Variants in LDB3 observed in about 807,000 individuals in gnomAD.
LDB3 encodes LIM domain binding 3.
Under a neutral mutation model 69.0 loss-of-function variants are expected in LDB3, and 49 were observed. The observed-to-expected ratio is 0.71, with a 90% CI of 0.56 to 0.90. The LOEUF (loss-of-function observed/expected upper bound fraction) is 0.90. Ranked by LOEUF, LDB3 falls within the 40% of genes least tolerant of loss-of-function variation. LDB3 has a pLI of 0.00. For missense variants in LDB3, 928 were observed against 974.1 expected (o/e 0.95, Z 0.63); for synonymous variants, 387 against 396.2 (o/e 0.98, Z 0.28).
chr10:86,710,188 G>C (rs959520376), intron 9 of LDB3, 138 bp downstream of exon 9: 4 of 1,525,766 alleles, frequency 2.6e-6, no homozygotes, highest in East Asian at 4.9e-5. Context: ...TCCGCCCTCC[G>C]TCCCCTAGCT....
At chr10:86,698,881 T>C (rs1025715793) in intron 7 of LDB3, among the ~76,000 whole-genome samples, 14 of 152,066 alleles carry the variant, frequency 9.2e-5, no homozygotes, top group African/African-American at 3.1e-4. Context: ...GTCTGTTTGG[T>C]TCAATCCTGA....
chr10:86,728,681 C>G (rs950677180), intron 13 of LDB3, among the ~76,000 whole-genome samples: 1 of 150,618 alleles, frequency 6.6e-6, no homozygotes, highest in Admixed American at 6.7e-5. Flanking sequence ...CTCCCAGGTT[C>G]AAGCAATTCT....
upstream of LDB3, among the ~76,000 whole-genome samples, chr10:86,667,985 C>T (rs1348506935): frequency 1.3e-5 from 2 of 152,202 alleles, no homozygotes; most frequent in Non-Finnish European, 2.9e-5. Context: ...CAGGTGGCAG[C>T]TTCTCAGGAT....
chr10:86,685,058 G>C (rs1001938625), intron 5 of LDB3, among the ~76,000 whole-genome samples: 2 of 152,170 alleles, frequency 1.3e-5, no homozygotes, highest in Non-Finnish European at 2.9e-5. Context: ...GTGGCCCCTG[G>C]TGACTGTGCA....
rs1429550465 is a variant in LDB3 at position 86,717,952 on chromosome 10, G to A, written c.1677-12G>A. On this transcript the variant is annotated splice_polypyrimidine_tract_variant and intron_variant, in intron 10 of 13. Coordinates refer to ENST00000361373, the MANE Select transcript of LDB3 (RefSeq NM_007078.3). ...GAGCTGCCTTACTGGGTGCCATTCT[G>A]TGCTTCCCCAGGGGCCCATTTCTGG... is the stretch of plus-strand genomic sequence containing the variant. The A allele has an allele frequency of 1.2e-6, 2 of 1,613,752 alleles. No individual in the cohort carries two copies. The highest frequency in any genetic ancestry group is 2.2e-5 in the East Asian group (1 of 44,864).
At position 86,703,309 on chromosome 10, in the gene LDB3, G is replaced by A. The variant is rs116105392; in HGVS notation, c.897-3222G>A. Among the ~76,000 whole-genome samples the A allele has an allele frequency of 3.2e-3, 488 of 152,356 alleles. 6 individuals are homozygous for A. The highest frequency in any genetic ancestry group is 0.014 in the Middle Eastern group (4 of 294). ...ACTGAGAGGAGGGTCTGAGCAGCCA[G>A]CTCAGTGGCGTGGCTACAGAGACTG... is the stretch of plus-strand genomic sequence containing the variant. On this transcript the variant is annotated intron_variant, in intron 7 of 13. Transcript: ENST00000361373.
intron 9 of LDB3, among the ~76,000 whole-genome samples, chr10:86,711,353 C>T (rs1015937429): frequency 6.6e-6 from 1 of 152,102 alleles, no homozygotes; most frequent in East Asian, 2.0e-4. Context: ...GCGAGCGAGA[C>T]GGGCCGGAGC....
chr10:86,693,775 C>T (rs894745087), intron 7 of LDB3, among the ~76,000 whole-genome samples: 5 of 152,246 alleles, frequency 3.3e-5, no homozygotes, highest in Non-Finnish European at 5.9e-5. Context: ...TCTCCCCTCC[C>T]GCTGTGCTCC....
At chr10:86,678,068 C>T (rs185476828) in intron 2 of LDB3, among the ~76,000 whole-genome samples, 2 of 152,256 alleles carry the variant, frequency 1.3e-5, no homozygotes, top group African/African-American at 2.4e-5. Flanking sequence ...GACAGAGTCT[C>T]GCTCTCACCC....
At chr10:86,713,557 T>C (rs1846750985) in intron 9 of LDB3, among the ~76,000 whole-genome samples, 2 of 152,160 alleles carry the variant, frequency 1.3e-5, no homozygotes, top group Non-Finnish European at 2.9e-5. Context: ...TCTTAATCTT[T>C]TTTAGCAGAG....
At position 86,681,586 on chromosome 10, in the gene LDB3, G is replaced by T. The variant is rs760903061; in HGVS notation, c.472G>T (p.Ala158Ser). Residue 158 changes from alanine to serine, a missense_variant, in exon 5 of 14, where the codon GCC becomes TCC. Coordinates refer to ENST00000361373, the MANE Select transcript of LDB3 (RefSeq NM_007078.3). ...RPSAFSSLAE[A>S]SDPGPPRASL... ...CTCCGCCTTCTCCTCACTCGCCGAG[G>T]CCTCTGACCCTGGCCCTCCGCGGGC... 6.2e-7 allele frequency: 1 copy of T among 1,612,980 alleles called. No individual in the cohort carries two copies. Among genetic ancestry groups the T allele is most frequent in the Non-Finnish European group, 8.5e-7 (1 of 1,179,766 alleles).
rs375626151 is a variant in LDB3, at chr10:86,681,522, G to C, written c.408G>C (p.Pro136=). The change falls in exon 5 of 14, where the codon CCG becomes CCC. Residue 136 remains proline (P), a synonymous_variant. Coordinates refer to ENST00000361373, the MANE Select transcript of LDB3 (RefSeq NM_007078.3). The stretch of plus-strand genomic sequence containing the variant: ...CCAGCCCAGGCACCCCAGGCACCCC[G>C]GAGCTCAGGCCCACCTTTAGCCCTG... ...ARASPGTPGT[P]ELRPTFSPAF... 6.2e-7 allele frequency: 1 copy of C among 1,612,044 alleles called. No individual in the cohort carries two copies. Among genetic ancestry groups the C allele is most frequent in the Non-Finnish European group, 8.5e-7 (1 of 1,179,738 alleles).
intron 12 of LDB3, among the ~76,000 whole-genome samples, chr10:86,723,268 TAAAAAAA>T (rs56259917): frequency 3.1e-4 from 15 of 49,116 alleles, no homozygotes; most frequent in South Asian, 8.9e-4. Flanking sequence ...AGACTCAATC[TAAAAAAA>T]AAAAAAAAAA....
intron 2 of LDB3, among the ~76,000 whole-genome samples, chr10:86,677,591 T>C (rs1844868825): frequency 6.6e-6 from 1 of 152,174 alleles, no homozygotes; most frequent in African/African-American, 2.4e-5. Context: ...TGAGATTCCA[T>C]GGGGAATTCC....
chr10:86,676,568 A>AAG (rs1844803004), intron 2 of LDB3, among the ~76,000 whole-genome samples: 1 of 129,998 alleles, frequency 7.7e-6, no homozygotes, highest in Non-Finnish European at 1.5e-5. Context: ...CTGTCTCAAA[A>AAG]AAAAAAAAAA....
intron 5 of LDB3, among the ~76,000 whole-genome samples, chr10:86,690,914 C>A (rs921284465): frequency 6.6e-6 from 1 of 152,232 alleles, no homozygotes; most frequent in Non-Finnish European, 1.5e-5. Context: ...CTCTCTGGAC[C>A]TCAGCTTCAG....
In LDB3 at chr10:86,681,457, G is replaced by C. The variant is rs397517222; in HGVS notation, c.343G>C (p.Gly115Arg). ...HQKDPALDTN[G>R]SLVAPSPSPE... ...CCAGGACCCCGCTCTGGACACGAAC[G>C]GCAGCCTGGTGGCACCCAGCCCCAG... The change falls in exon 5 of 14, where the codon GGC becomes CGC. Residue 115 changes from glycine to arginine, a missense_variant. By Grantham distance (125) the Gly-to-Arg change is moderately radical. Transcript: ENST00000361373. 15 of 1,604,888 alleles carry C rather than the reference G, an allele frequency of 9.3e-6. No individual in the cohort carries two copies. The South Asian group carries it at 1.6e-4, about 18-fold the overall frequency.
chr10:86,668,851 C>T, intron 2 of LDB3, 67 bp downstream of exon 2: 1 of 1,207,564 alleles, frequency 8.3e-7, no homozygotes, highest in Non-Finnish European at 1.2e-6. Context: ...GCATGTGTGT[C>T]CGTCTGTCTG....
At chr10:86,688,154 A>T (rs1045344283) in intron 5 of LDB3, among the ~76,000 whole-genome samples, 4 of 148,956 alleles carry the variant, frequency 2.7e-5, no homozygotes, top group Non-Finnish European at 5.9e-5. Flanking sequence ...TCTACTTGGG[A>T]ATACCACTGT....
Sources: allele counts gnomAD v4.1 joint callset (sites outside exome capture counted in the v4.1 genomes callset), GRCh38; gene constraint gnomAD v4.1.1; transcripts MANE v1.5; gene names NCBI Gene and HGNC (gene_info 2026-07-23, HGNC 2026-07-21).